The following HOXC12 variants were observed in gnomAD, a reference collection of about 807,000 sequenced individuals.
HOXC12 encodes homeobox protein Hox-C12.
In HOXC12, 24 loss-of-function variants were observed where a neutral mutation model predicts 20.9. The observed-to-expected ratio is 1.15, with a 90% CI of 0.83 to 1.61. HOXC12 has a LOEUF of 1.61. Among genes scored for constraint, HOXC12 ranks in the 40% most tolerant of loss-of-function variants. The pLI is 0.00. For missense variants in HOXC12, 436 were observed against 406.9 expected (o/e 1.07, Z -0.62); for synonymous variants, 202 against 197.7 (o/e 1.02, Z -0.18).
rs762778481 is a variant in HOXC12, at chr12:53,956,329, C to T, written c.612C>T (p.Gly204=). 15 of 1,584,794 alleles carry T rather than the reference C, an allele frequency of 9.5e-6. No individual in the cohort carries two copies. The East Asian group carries it at 2.9e-4, about 31-fold the overall frequency. The part of the protein sequence containing the change: ...LNPGGGLSAS[G]APWYPINSRS... ...CCCCTGCCATTCATCTCCACCCAGG[C>T]GCGCCCTGGTACCCGATCAACAGCC... The change falls in exon 2 of 2, where the codon GGC becomes GGT. Residue 204 remains glycine, a splice_region_variant and synonymous_variant. Transcript: ENST00000243103.
chr12:53,955,205 G>A lies in HOXC12; in HGVS notation c.276G>A (p.Lys92=), dbSNP rs1938836627. 4 of 1,608,600 alleles carry A rather than the reference G, an allele frequency of 2.5e-6. No homozygotes were observed. Among genetic ancestry groups the A allele is most frequent in the Non-Finnish European group, 3.4e-6 (4 of 1,178,122 alleles). The change falls in exon 1 of 2, where the codon AAG becomes AAA. Residue 92 remains lysine, a synonymous_variant. Transcript: ENST00000243103. ...AGCTGGCGCGCGTGGAGGACGGCAA[G>A]GGTTACTACCGCGAGCCGTGCGCCG... is the stretch of plus-strand genomic sequence containing the variant. The part of the protein sequence containing the change: ...TCELARVEDG[K]GYYREPCAEG...
At position 53,956,665 on chromosome 12, in the gene HOXC12, C is replaced by G; in HGVS notation, c.*99C>G. 1.1e-6 allele frequency: 1 copy of G among 877,796 alleles called. No individual in the cohort carries two copies. The highest frequency in any genetic ancestry group is 1.8e-6 in the Non-Finnish European group (1 of 558,364). The allele number at this position is 877,796 out of a possible 1,614,324, so 54.4% of individuals were successfully genotyped here. A position where few individuals can be genotyped will look rare whatever the true frequency, so the allele number is the denominator to read the frequency against. ...CACAGTCCCCACTTAGAACGCCAGG[C>G]GTCTCTGGCAGGCCCTCCCTGGATA... On this transcript the variant is annotated 3_prime_UTR_variant, in exon 2 of 2. Transcript: ENST00000243103.
rs1404691621 is a variant in HOXC12 at position 53,955,522 on chromosome 12, G to A, written c.593G>A (p.Gly198Asp). 2 of 1,466,522 alleles carry A rather than the reference G, an allele frequency of 1.4e-6. No homozygotes were observed. The highest frequency in any genetic ancestry group is 1.8e-6 in the Non-Finnish European group (2 of 1,113,630). 90.8% of individuals were successfully genotyped at this position (1,466,522 alleles called of 1,614,324 possible). A position where few individuals can be genotyped will look rare whatever the true frequency, so the allele number is the denominator to read the frequency against. The change falls in exon 1 of 2, where the codon GGC (glycine) becomes GAC (aspartate). Residue 198 changes from glycine (G) to aspartate (D), a missense_variant. Gly to Asp is a moderately conservative substitution (Grantham distance 94, BLOSUM62 -1). Transcript: ENST00000243103. The part of the protein sequence containing the change: ...GSLVSPLNPG[G>D]GLSASGAPWY... ...TTGGTATCGCCGTTGAACCCCGGCG[G>A]CGGGCTCTCGGCCAGCGGTAAGGAC...
chr12:53,955,612 C>T, intron 1 of HOXC12, 73 bp downstream of exon 1: 1 of 1,286,766 alleles, frequency 7.8e-7, no homozygotes, highest in Non-Finnish European at 9.8e-7. Flanking sequence ...CAGGACTGAG[C>T]TAGGGACGCC....
rs971894743 is a variant in HOXC12, at chr12:53,958,142, C to A, written c.*1576C>A. On this transcript the variant is annotated 3_prime_UTR_variant, in exon 2 of 2. Transcript: ENST00000243103. ...TGCAGCCTGGACAGTGTGAAACTGGCCTGCTGGCTTGGAGTGTTTCCCATA... is the reference window on the plus strand; with the variant it reads ...TGCAGCCTGGACAGTGTGAAACTGGACTGCTGGCTTGGAGTGTTTCCCATA... 3 of 152,280 alleles carry A rather than the reference C, an allele frequency of 2.0e-5. No homozygotes were observed. The highest frequency in any genetic ancestry group is 4.4e-5 in the Non-Finnish European group (3 of 68,082). 9.4% of individuals were successfully genotyped at this position (152,280 alleles called of 1,614,324 possible).
In HOXC12 at chr12:53,954,944, TCTC is replaced by T. The variant is rs774260860; in HGVS notation, c.18_20del (p.Leu7del). 5 of 1,611,058 alleles carry T rather than the reference TCTC, an allele frequency of 3.1e-6. No individual in the cohort carries two copies. Among genetic ancestry groups the T allele is most frequent in the Non-Finnish European group, 4.2e-6 (5 of 1,177,372 alleles). On this transcript the variant is annotated inframe_deletion, in exon 1 of 2. Coordinates refer to ENST00000243103, the MANE Select transcript of HOXC12 (RefSeq NM_173860.3). ...GCCCCGCGGAAATGGGCGAGCATAA[TCTC>T]CTGAATCCCGGGTTTGTGGGGCCGC...
Position 53,955,291 on chromosome 12 carries a change from G to C in HOXC12, c.362G>C (p.Gly121Ala), listed in dbSNP as rs1938840651. ...GGGCGCGACCCGGGAGCCGGGCCCG[G>C]GGCAGCGCTGCTCCCGCTGGAGCCG... The part of the protein sequence containing the change: ...ERGRDPGAGP[G>A]AALLPLEPSG... The change falls in exon 1 of 2, where the codon GGG (glycine) becomes GCG (alanine). Residue 121 changes from glycine (G) to alanine (A), a missense_variant. By Grantham distance (60) the Gly-to-Ala change is moderately conservative. Coordinates refer to ENST00000243103, the MANE Select transcript of HOXC12 (RefSeq NM_173860.3). 7 of 1,414,278 alleles carry C rather than the reference G, an allele frequency of 4.9e-6. No individual in the cohort carries two copies. The highest frequency in any genetic ancestry group is 6.4e-6 in the Non-Finnish European group (7 of 1,092,608). The allele number at this position is 1,414,278 out of a possible 1,614,324, so 87.6% of individuals were successfully genotyped here.
At chr12:53,956,066 A>G (rs1938861535) in intron 1 of HOXC12, among the ~76,000 whole-genome samples, 1 of 152,122 alleles carries the variant, frequency 6.6e-6, no homozygotes, top group Non-Finnish European at 1.5e-5. Flanking sequence ...AAGGGTCATG[A>G]ATAGTGCAGC....
chr12:53,955,265 C>T lies in HOXC12; in HGVS notation c.336C>T (p.Arg112=). ...GCGGGGGCCTGAAGCGTGAGGAGCG[C>T]GGGCGCGACCCGGGAGCCGGGCCCG... ...GGGGGLKREE[R]GRDPGAGPGA... The change falls in exon 1 of 2, where the codon CGC becomes CGT. Residue 112 remains arginine (R), a synonymous_variant. Coordinates refer to ENST00000243103, the MANE Select transcript of HOXC12 (RefSeq NM_173860.3). The T allele has an allele frequency of 6.8e-7, 1 of 1,478,404 alleles. No individual in the cohort carries two copies. The highest frequency in any genetic ancestry group is 8.9e-7 in the Non-Finnish European group (1 of 1,121,396). The allele number at this position is 1,478,404 out of a possible 1,614,324, so 91.6% of individuals were successfully genotyped here. A position where few individuals can be genotyped will look rare whatever the true frequency, so the allele number is the denominator to read the frequency against.
At chr12:53,955,841 G>C (rs999458389) in intron 1 of HOXC12, among the ~76,000 whole-genome samples, 11 of 152,070 alleles carry the variant, frequency 7.2e-5, no homozygotes, top group African/African-American at 2.7e-4. Context: ...CCCGGCCCTA[G>C]TTCTCCCAGG....
chr12:53,956,405 G>A lies in HOXC12; in HGVS notation c.688G>A (p.Glu230Lys). Reference protein sequence around the residue: ...PYSKLQLAELEGEFLVNEFIT... With the variant: ...PYSKLQLAELKGEFLVNEFIT... Reference sequence around the variant, plus strand: ...TTCGAAGTTGCAACTGGCAGAGCTGGAGGGCGAGTTTCTGGTCAACGAGTT... The same window carrying A: ...TTCGAAGTTGCAACTGGCAGAGCTGAAGGGCGAGTTTCTGGTCAACGAGTT... The change falls in exon 2 of 2, where the codon GAG becomes AAG. Residue 230 changes from glutamate (E) to lysine (K), a missense_variant. Coordinates refer to ENST00000243103, the MANE Select transcript of HOXC12 (RefSeq NM_173860.3). 1 of 1,613,880 alleles carries A rather than the reference G, an allele frequency of 6.2e-7. No individual in the cohort carries two copies. Among genetic ancestry groups the A allele is most frequent in the Non-Finnish European group, 8.5e-7 (1 of 1,179,898 alleles).
rs1938909680 is a variant in HOXC12 at position 53,958,824 on chromosome 12, T to G, written c.*2258T>G. On this transcript the variant is annotated 3_prime_UTR_variant, in exon 2 of 2. Transcript: ENST00000243103. ...TGTGGATAGTTGCCCTTCCCCTAGC[T>G]GCCTCCCCAGCTCTCTGTAGTGTAA... The G allele has an allele frequency of 6.6e-6, 1 of 152,260 alleles. No individual in the cohort carries two copies. Among genetic ancestry groups the G allele is most frequent in the Admixed American group, 6.5e-5 (1 of 15,282 alleles). The allele number at this position is 152,260 out of a possible 1,614,324, so 9.4% of individuals were successfully genotyped here. A position where few individuals can be genotyped will look rare whatever the true frequency, so the allele number is the denominator to read the frequency against.
rs1938900238 is a variant in HOXC12, at chr12:53,958,184, TAACA to T, written c.*1622_*1625del. ...TTTCCCATATGGGGAGAGTCTCCCCTAACAAACTCTCCAAAGGCAATCCACCGAG... is the reference window on the plus strand; with the variant it reads ...TTTCCCATATGGGGAGAGTCTCCCCTAACTCTCCAAAGGCAATCCACCGAG... On this transcript the variant is annotated 3_prime_UTR_variant, in exon 2 of 2. Transcript: ENST00000243103. The T allele has an allele frequency of 6.6e-6, 1 of 152,136 alleles. No homozygotes were observed. The highest frequency in any genetic ancestry group is 2.1e-4 in the South Asian group (1 of 4,814). 9.4% of individuals were successfully genotyped at this position (152,136 alleles called of 1,614,324 possible).
At position 53,958,929 on chromosome 12, in the gene HOXC12, T is replaced by A. The variant is rs994880034; in HGVS notation, c.*2363T>A. Reference sequence around the variant, plus strand: ...ACAGAGTTGCTTCATCATATTAATATTGATAATAATAATAATTAAAACATG... The same window carrying A: ...ACAGAGTTGCTTCATCATATTAATAATGATAATAATAATAATTAAAACATG... On this transcript the variant is annotated 3_prime_UTR_variant, in exon 2 of 2. Coordinates refer to ENST00000243103, the MANE Select transcript of HOXC12 (RefSeq NM_173860.3). The A allele has an allele frequency of 2.0e-5, 3 of 152,272 alleles. No individual in the cohort carries two copies. The highest frequency in any genetic ancestry group is 3.9e-4 in the East Asian group (2 of 5,192). 9.4% of individuals were successfully genotyped at this position (152,272 alleles called of 1,614,324 possible).
chr12:53,956,517 T>C lies in HOXC12; in HGVS notation c.800T>C (p.Met267Thr). The C allele has an allele frequency of 6.2e-7, 1 of 1,613,858 alleles. No homozygotes were observed. Residue 267 changes from methionine (M) to threonine (T), a missense_variant, in exon 2 of 2, where the codon ATG becomes ACG. Coordinates refer to ENST00000243103, the MANE Select transcript of HOXC12 (RefSeq NM_173860.3). ...QVKIWFQNRRMKKKRLLLREQ... is the reference protein window; with the variant it reads ...QVKIWFQNRRTKKKRLLLREQ... ...AAGATCTGGTTTCAGAACCGGAGAA[T>C]GAAAAAGAAAAGACTTCTGTTGAGG...
At chr12:53,955,622 C>T (rs1215907605) in intron 1 of HOXC12, 83 bp downstream of exon 1, 2 of 1,264,256 alleles carry the variant, frequency 1.6e-6, no homozygotes, top group Non-Finnish European at 2.0e-6. Context: ...CTAGGGACGC[C>T]CAGGGTGACA....
chr12:53,955,148 G>T lies in HOXC12; in HGVS notation c.219G>T (p.Val73=). The change falls in exon 1 of 2, where the codon GTG becomes GTT. Residue 73 remains valine (V), a synonymous_variant. Coordinates refer to ENST00000243103, the MANE Select transcript of HOXC12 (RefSeq NM_173860.3). The part of the protein sequence containing the change: ...GYPQPYLGSP[V]SLNPPFGRTC... ...CGCAGCCCTACCTCGGCAGCCCAGT[G>T]TCTCTCAACCCTCCCTTCGGCCGCA... The T allele has an allele frequency of 6.2e-7, 1 of 1,610,974 alleles. No homozygotes were observed. Among genetic ancestry groups the T allele is most frequent in the Non-Finnish European group, 8.5e-7 (1 of 1,179,074 alleles).
In HOXC12 at chr12:53,955,389, G is replaced by C. The variant is rs932554738; in HGVS notation, c.460G>C (p.Ala154Pro). 3 of 1,491,432 alleles carry C rather than the reference G, an allele frequency of 2.0e-6. No individual in the cohort carries two copies. In the African/African-American group the frequency reaches 4.4e-5, roughly 22 times the overall value. The allele number at this position is 1,491,432 out of a possible 1,614,324, so 92.4% of individuals were successfully genotyped here. Reference sequence around the variant, plus strand: ...CGGCGGTGGCGACGGCGGCGGCGGCGCAGGACCTCCGCACGACCCGCCCTC... The same window carrying C: ...CGGCGGTGGCGACGGCGGCGGCGGCCCAGGACCTCCGCACGACCCGCCCTC... ...GGGGGDGGGG[A>P]GPPHDPPSCQ... Residue 154 changes from alanine to proline, a missense_variant, in exon 1 of 2, where the codon GCA becomes CCA. Coordinates refer to ENST00000243103, the MANE Select transcript of HOXC12 (RefSeq NM_173860.3).
Position 53,957,330 on chromosome 12 carries a change from T to C in HOXC12, c.*764T>C, listed in dbSNP as rs1938884258. 1 of 152,604 alleles carries C rather than the reference T, an allele frequency of 6.6e-6. No individual in the cohort carries two copies. The highest frequency in any genetic ancestry group is 1.5e-5 in the Non-Finnish European group (1 of 68,376). 9.5% of individuals were successfully genotyped at this position (152,604 alleles called of 1,614,324 possible). A position where few individuals can be genotyped will look rare whatever the true frequency, so the allele number is the denominator to read the frequency against. ...CCCGCACCGGGCGAATGTCTGTTCA[T>C]AGGTGTGCTGCCATCCACTCCTCCG... On this transcript the variant is annotated 3_prime_UTR_variant, in exon 2 of 2. Coordinates refer to ENST00000243103, the MANE Select transcript of HOXC12 (RefSeq NM_173860.3).
Sources: gnomAD v4.1 joint callset for allele counts (sites outside exome capture counted in the v4.1 genomes callset) on GRCh38, gnomAD v4.1.1 for gene constraint, MANE v1.5 for transcripts, NCBI Gene and HGNC (gene_info 2026-07-23, HGNC 2026-07-21) for gene names.